Variants in ZNF256 observed in about 807,000 individuals in gnomAD.
ZNF256 encodes zinc finger protein 256.
ZNF256 carries 4 observed loss-of-function variants against 7.9 expected under a neutral mutation model. The ratio of observed to expected loss-of-function variants is 0.50; its 90% CI spans 0.25 to 1.15. The LOEUF is 1.15. ZNF256 is among the 50% of genes most tolerant of loss of function. ZNF256 has a pLI of 0.15. For synonymous variants in ZNF256, 260 were observed against 260.4 expected (o/e 1.00, Z 0.02); for missense variants, 666 against 755.9 (o/e 0.88, Z 1.39).
chr19:57,942,445 C>T lies in ZNF256; in HGVS notation c.363G>A (p.Gly121=), dbSNP rs1372970117. The part of the protein sequence containing the change: ...THHGQKLYTD[G]ACRKQLQFTA... ...TAAATTGTAATTGTTTCCTACATGC[C>T]CCGTCTGTATACAGTTTCTGACCAT... The change falls in exon 3 of 3, where the codon GGG becomes GGA. Residue 121 remains glycine, a synonymous_variant. Coordinates refer to ENST00000282308, the MANE Select transcript of ZNF256 (RefSeq NM_005773.3). 6 of 1,614,078 alleles carry T rather than the reference C, an allele frequency of 3.7e-6. No individual in the cohort carries two copies. The highest frequency in any genetic ancestry group is 5.1e-6 in the Non-Finnish European group (6 of 1,180,060).
intron 1 of ZNF256, 63 bp downstream of exon 1, chr19:57,947,379 C>T (rs2072774497): frequency 1.6e-6 from 2 of 1,239,638 alleles, no homozygotes; most frequent in Middle Eastern, 2.6e-4. Flanking sequence ...CGAGCAAGCG[C>T]CCTCGGGGGT....
At chr19:57,946,918 GA>G (rs1051281730) in intron 1 of ZNF256, among the ~76,000 whole-genome samples, 11 of 152,158 alleles carry the variant, frequency 7.2e-5, no homozygotes, top group Non-Finnish European at 1.2e-4. Flanking sequence ...CCAGAAATTG[GA>G]ACAACTCTAT....
At chr19:57,944,380 C>T (rs561491398) in intron 1 of ZNF256, among the ~76,000 whole-genome samples, 9 of 152,318 alleles carry the variant, frequency 5.9e-5, no homozygotes, top group African/African-American at 1.9e-4. Context: ...ACACTGGGGC[C>T]ATCAGGCACA....
Position 57,942,205 on chromosome 19 carries a change from T to TGCACTCTTG in ZNF256, c.594_602dup (p.Lys199_Ala201dup). ...GATTTTTTACACTGTGAAAGGCCAC[T>TGCACTCTTG]GCACTCTTGGTTCTGTTTGACTTCT... On this transcript the variant is annotated inframe_insertion, in exon 3 of 3. Coordinates refer to ENST00000282308, the MANE Select transcript of ZNF256 (RefSeq NM_005773.3). 6.2e-7 allele frequency: 1 copy of TGCACTCTTG among 1,614,262 alleles called. No individual in the cohort carries two copies.
At chr19:57,942,821 A>C (rs2123189669) in intron 2 of ZNF256, among the ~76,000 whole-genome samples, 174 bp from the exon 3 acceptor site, 2 of 152,298 alleles carry the variant, frequency 1.3e-5, no homozygotes, top group South Asian at 4.1e-4. Context: ...GGGCCTCTAA[A>C]GATCACAGAA....
Position 57,947,432 on chromosome 19 carries a change from C to T in ZNF256, c.33+10G>A. On this transcript the variant is annotated intron_variant, in intron 1 of 2. Coordinates refer to ENST00000282308, the MANE Select transcript of ZNF256 (RefSeq NM_005773.3). ...GAGGGCGGGGAAGGCCCAGAGGACG[C>T]GGCACATACCTGGGCCGGGGCCGTC... 2 of 1,249,096 alleles carry T rather than the reference C, an allele frequency of 1.6e-6. No individual in the cohort carries two copies. Among genetic ancestry groups the T allele is most frequent in the South Asian group, 8.2e-5 (2 of 24,434 alleles). 77.4% of individuals were successfully genotyped at this position (1,249,096 alleles called of 1,614,324 possible).
At chr19:57,942,828 A>T (rs911523065) in intron 2 of ZNF256, among the ~76,000 whole-genome samples, 181 bp from the exon 3 acceptor site, 3 of 152,226 alleles carry the variant, frequency 2.0e-5, no homozygotes, top group African/African-American at 7.2e-5. Context: ...TAAAGATCAC[A>T]GAACTGGGAA....
chr19:57,942,774 T>C (rs2072739796), intron 2 of ZNF256, 127 bp from the exon 3 acceptor site: 1 of 1,130,948 alleles, frequency 8.8e-7, no homozygotes, highest in Non-Finnish European at 1.3e-6. Flanking sequence ...ACCAAGGTGT[T>C]GGGTTCAAGT....
rs765875169 is a variant in ZNF256, at chr19:57,941,005, C to T, written c.1803G>A (p.Arg601=). Reference sequence around the variant, plus strand: ...TTCCACAGTCACTACACTCATAAGGCCTTTCCCCACTGTGAATTCGCTGGT... The same window carrying T: ...TTCCACAGTCACTACACTCATAAGGTCTTTCCCCACTGTGAATTCGCTGGT... ...TNHQRIHSGE[R]PYECSDCGKF... The change falls in exon 3 of 3, where the codon AGG becomes AGA. Residue 601 remains arginine (R), a synonymous_variant. Transcript: ENST00000282308. 6.2e-7 allele frequency: 1 copy of T among 1,614,202 alleles called. No homozygotes were observed. The highest frequency in any genetic ancestry group is 8.5e-7 in the Non-Finnish European group (1 of 1,180,034).
intron 1 of ZNF256, among the ~76,000 whole-genome samples, chr19:57,947,208 T>G (rs1022410312): frequency 6.6e-6 from 1 of 152,226 alleles, no homozygotes; most frequent in South Asian, 2.1e-4. Context: ...TGGAGCCGGG[T>G]GCCCTCGCAA....
chr19:57,944,428 A>T (rs1299394496), intron 1 of ZNF256, among the ~76,000 whole-genome samples: 1 of 152,226 alleles, frequency 6.6e-6, no homozygotes, highest in Non-Finnish European at 1.5e-5. Context: ...TACACTGCAC[A>T]TACCTCAGGT....
Position 57,947,515 on chromosome 19 carries a change from A to G in ZNF256, c.-41T>C. ...GAGCGGGGCCAGAGAGGATGTCCTT[A>G]TTCCGGGCCGGGCCTGGGTACCCTG... On this transcript the variant is annotated 5_prime_UTR_variant, in exon 1 of 3. Transcript: ENST00000282308. 1 of 1,249,014 alleles carries G rather than the reference A, an allele frequency of 8.0e-7. No individual in the cohort carries two copies. The allele number at this position is 1,249,014 out of a possible 1,614,324, so 77.4% of individuals were successfully genotyped here. A position where few individuals can be genotyped will look rare whatever the true frequency, so the allele number is the denominator to read the frequency against.
Position 57,940,854 on chromosome 19 carries a change from TTATTTA to T in ZNF256, c.*64_*69del, listed in dbSNP as rs1401705207. ...ATGGTTATTGAAAATACGTATTTAT[TTATTTA>T]TGTCTGTGAATTTTGCAGGGACACT... On this transcript the variant is annotated 3_prime_UTR_variant, in exon 3 of 3. Coordinates refer to ENST00000282308, the MANE Select transcript of ZNF256 (RefSeq NM_005773.3). The T allele has an allele frequency of 1.4e-6, 2 of 1,439,432 alleles. No homozygotes were observed. The highest frequency in any genetic ancestry group is 1.9e-6 in the Non-Finnish European group (2 of 1,063,392). The allele number at this position is 1,439,432 out of a possible 1,614,324, so 89.2% of individuals were successfully genotyped here.
At chr19:57,945,738 C>T (rs777522177) in intron 1 of ZNF256, among the ~76,000 whole-genome samples, 2 of 152,160 alleles carry the variant, frequency 1.3e-5, no homozygotes, top group Admixed American at 1.3e-4. Context: ...GTATTCCTTG[C>T]CTCAGACATA....
Position 57,947,625 on chromosome 19 carries a change from C to T in ZNF256, c.-151G>A, listed in dbSNP as rs1431537511. 2.8e-6 allele frequency: 2 copies of T among 717,994 alleles called. No homozygotes were observed. The highest frequency in any genetic ancestry group is 3.4e-5 in the East Asian group (1 of 29,380). The allele number at this position is 717,994 out of a possible 1,614,324, so 44.5% of individuals were successfully genotyped here. ...TCAGTCAGTCACGGATGATGCTGAC[C>T]CAGCGCTCCGGGGCTTTCTACCAAG... On this transcript the variant is annotated 5_prime_UTR_variant, in exon 1 of 3. Transcript: ENST00000282308.
At position 57,940,834 on chromosome 19, in the gene ZNF256, T is replaced by G. The variant is rs2072720825; in HGVS notation, c.*90A>C. The G allele has an allele frequency of 2.9e-6, 4 of 1,391,916 alleles. No homozygotes were observed. The East Asian group carries it at 9.3e-5, about 32-fold the overall frequency. 86.2% of individuals were successfully genotyped at this position (1,391,916 alleles called of 1,614,324 possible). A position where few individuals can be genotyped will look rare whatever the true frequency, so the allele number is the denominator to read the frequency against. ...ACATATACTAAATATAAAACATGGTTATTGAAAATACGTATTTATTTATTT... is the reference window on the plus strand; with the variant it reads ...ACATATACTAAATATAAAACATGGTGATTGAAAATACGTATTTATTTATTT... On this transcript the variant is annotated 3_prime_UTR_variant, in exon 3 of 3. Transcript: ENST00000282308.
chr19:57,940,875 G>T lies in ZNF256; in HGVS notation c.*49C>A, dbSNP rs759299847. On this transcript the variant is annotated 3_prime_UTR_variant, in exon 3 of 3. Coordinates refer to ENST00000282308, the MANE Select transcript of ZNF256 (RefSeq NM_005773.3). ...TTATTTATTTATGTCTGTGAATTTT[G>T]CAGGGACACTTCTCAGTCCGTAACA... is the stretch of plus-strand genomic sequence containing the variant. 6 of 1,510,728 alleles carry T rather than the reference G, an allele frequency of 4.0e-6. No individual in the cohort carries two copies. The highest frequency in any genetic ancestry group is 1.4e-5 in the African/African-American group (1 of 71,508). 93.6% of individuals were successfully genotyped at this position (1,510,728 alleles called of 1,614,324 possible).
rs757441485 is a variant in ZNF256 at position 57,941,063 on chromosome 19, T to G, written c.1745A>C (p.Lys582Thr). 1.9e-6 allele frequency: 3 copies of G among 1,614,172 alleles called. No individual in the cohort carries two copies. Among genetic ancestry groups the G allele is most frequent in the Non-Finnish European group, 2.5e-6 (3 of 1,180,034 alleles). Reference protein sequence around the residue: ...ERPYECSECGKSFSQSSNLTN... With the variant: ...ERPYECSECGTSFSQSSNLTN... ...GAGGTTAGAGCTCTGGCTAAAGGAT[T>G]TTCCACATTCACTGCATTCATAAGG... The change falls in exon 3 of 3, where the codon AAA (lysine) becomes ACA (threonine). Residue 582 changes from lysine to threonine, a missense_variant. Coordinates refer to ENST00000282308, the MANE Select transcript of ZNF256 (RefSeq NM_005773.3).
In ZNF256 at chr19:57,941,124, G is replaced by C. The variant is rs1239494993; in HGVS notation, c.1684C>G (p.Leu562Val). ...GTATGAACTCTTCGGTGTTTAACGA[G>C]GCTAGAGTGGTTACTAAAGGATTTC... ...CWKSFSNHSSLVKHRRVHTGE... is the reference protein window; with the variant it reads ...CWKSFSNHSSVVKHRRVHTGE... Residue 562 changes from leucine to valine, a missense_variant, in exon 3 of 3, where the codon CTC (leucine) becomes GTC (valine). Coordinates refer to ENST00000282308, the MANE Select transcript of ZNF256 (RefSeq NM_005773.3). 1.9e-6 allele frequency: 3 copies of C among 1,614,154 alleles called. No individual in the cohort carries two copies. Among genetic ancestry groups the C allele is most frequent in the Non-Finnish European group, 2.5e-6 (3 of 1,180,022 alleles).
Sources: allele counts gnomAD v4.1 joint callset (sites outside exome capture counted in the v4.1 genomes callset), GRCh38; gene constraint gnomAD v4.1.1; transcripts MANE v1.5; gene names NCBI Gene and HGNC (gene_info 2026-07-23, HGNC 2026-07-21).